TMC1: variants seen among roughly 807,000 people sequenced by gnomAD.
The protein encoded by TMC1 is transmembrane channel-like protein 1.
TMC1 carries 84 observed loss-of-function variants against 105.8 expected under a neutral mutation model. That is an observed-to-expected ratio of 0.79 (90% CI 0.67 to 0.95). The LOEUF (loss-of-function observed/expected upper bound fraction) is 0.95. Ranked by LOEUF, TMC1 falls within the 40% of genes least tolerant of loss-of-function variation. The pLI, the probability that TMC1 is intolerant of heterozygous loss-of-function variation, is 0.00. For missense variants in TMC1, 817 were observed against 914.1 expected, an observed-to-expected ratio of 0.89 and a Z score of 1.37; for synonymous variants, 315 against 311.5, an observed-to-expected ratio of 1.01 and a Z score of -0.12.
intron 8 of TMC1, among the ~76,000 whole-genome samples, chr9:72,733,453 G>T (rs931295129): frequency 1.3e-5 from 2 of 152,064 alleles, no homozygotes; most frequent in African/African-American, 4.8e-5. Flanking sequence ...AGGGGAAATG[G>T]GCTAGGGTTT....
chr9:72,783,694 A>G (rs1394349579), intron 13 of TMC1, among the ~76,000 whole-genome samples: 1 of 152,178 alleles, frequency 6.6e-6, no homozygotes, highest in Non-Finnish European at 1.5e-5. Flanking sequence ...TAACCACCAC[A>G]TAGACCAATG....
chr9:72,646,616 A>G (rs1564465642), intron 4 of TMC1, among the ~76,000 whole-genome samples: 1 of 150,814 alleles, frequency 6.6e-6, no homozygotes, highest in Non-Finnish European at 1.5e-5. Flanking sequence ...GGGCCATTTT[A>G]TTTTATTTTT....
At chr9:72,777,231 T>A (rs1321188759) in intron 13 of TMC1, among the ~76,000 whole-genome samples, 1 of 152,226 alleles carries the variant, frequency 6.6e-6, no homozygotes, top group Non-Finnish European at 1.5e-5. Context: ...TGCCTAAATA[T>A]CTTCCATGTC....
At chr9:72,671,779 G>GA (rs951919230) in intron 5 of TMC1, among the ~76,000 whole-genome samples, 10 of 151,418 alleles carry the variant, frequency 6.6e-5, no homozygotes, top group East Asian at 1.9e-4. Context: ...TTTTTAAAAA[G>GA]AAAAAAAATC....
intron 1 of TMC1, among the ~76,000 whole-genome samples, chr9:72,562,376 C>T (rs536504845): frequency 2.0e-5 from 3 of 152,276 alleles, no homozygotes; most frequent in South Asian, 4.1e-4. Context: ...GAAAACAGTG[C>T]TCTCATGTAA....
At chr9:72,614,826 C>T (rs1261462628) in intron 2 of TMC1, among the ~76,000 whole-genome samples, 2 of 151,998 alleles carry the variant, frequency 1.3e-5, no homozygotes, top group African/African-American at 4.8e-5. Flanking sequence ...GATTACAGTG[C>T]CTGCCACCAT....
In TMC1 at chr9:72,755,026, A is replaced by G. The variant is rs934709915; in HGVS notation, c.741+142A>G. 8.9e-5 allele frequency: 40 copies of G among 448,646 alleles called. 1 individual carries two copies. The highest frequency in any genetic ancestry group is 7.2e-4 in the South Asian group (39 of 54,310). The allele number at this position is 448,646 out of a possible 1,614,324, so 27.8% of individuals were successfully genotyped here. A position where few individuals can be genotyped will look rare whatever the true frequency, so the allele number is the denominator to read the frequency against. ...CCTGCTCCCTTTAAGAAAGAAAGGA[A>G]AGAAAGAAAGAAAGAGAGAGAGAGA... On this transcript the variant is annotated intron_variant, in intron 12 of 23. Transcript: ENST00000297784.
intron 2 of TMC1, among the ~76,000 whole-genome samples, chr9:72,609,155 T>C (rs1824978041): frequency 6.7e-6 from 1 of 150,288 alleles, no homozygotes; most frequent in Non-Finnish European, 1.5e-5. Flanking sequence ...CCCCTTCTAT[T>C]CTTCCTTCCC....
chr9:72,742,641 AAC>A, intron 10 of TMC1, 116 bp downstream of exon 10: 16 of 864,382 alleles, frequency 1.9e-5, no homozygotes, highest in East Asian at 5.2e-5. Context: ...CAAACAAACA[AAC>A]AAACAAAAAC....
chr9:72,718,491 C>A (rs139019428), intron 8 of TMC1, among the ~76,000 whole-genome samples: 330 of 152,278 alleles, frequency 2.2e-3, no homozygotes, highest in Admixed American at 5.7e-3. Flanking sequence ...TCTAGCCACC[C>A]AGTGGAGCTA....
intron 10 of TMC1, among the ~76,000 whole-genome samples, chr9:72,743,163 C>T (rs1449878065): frequency 6.6e-6 from 1 of 151,514 alleles, no homozygotes; most frequent in Non-Finnish European, 1.5e-5. Context: ...GTCAGGAGAT[C>T]GAGACCATCC....
chr9:72,651,283 T>C (rs929148134), intron 5 of TMC1: 1 of 151,902 alleles, frequency 6.6e-6, no homozygotes, highest in African/African-American at 2.4e-5. Flanking sequence ...CAAGGCAAAT[T>C]TATCTGCCTG....
chr9:72,596,021 C>T (rs773505693), intron 2 of TMC1, among the ~76,000 whole-genome samples: 8 of 151,812 alleles, frequency 5.3e-5, no homozygotes, highest in Non-Finnish European at 1.2e-4. Flanking sequence ...GGACTACAGG[C>T]GCATGCCACC....
intron 15 of TMC1, 142 bp downstream of exon 15, chr9:72,789,459 C>T: frequency 2.8e-6 from 2 of 723,434 alleles, no homozygotes; most frequent in Non-Finnish European, 4.7e-6. Flanking sequence ...CCCTGTTGCT[C>T]ATTTTCCATT....
At chr9:72,727,971 A>G (rs2589607) in intron 8 of TMC1, among the ~76,000 whole-genome samples, 88,957 of 151,956 alleles carry the variant, frequency 0.59, 28,096 homozygotes, top group African/African-American at 0.84. Flanking sequence ...TTCACACTAA[A>G]AAAGAATTCT....
At chr9:72,616,233 C>G (rs528315640) in intron 2 of TMC1, 135 bp from the exon 3 acceptor site, 1 of 152,166 alleles carries the variant, frequency 6.6e-6, no homozygotes, top group Non-Finnish European at 1.5e-5. Context: ...GTTGGGGAAG[C>G]TCAAACTGTG....
intron 2 of TMC1, among the ~76,000 whole-genome samples, chr9:72,585,907 G>C (rs1043721449): frequency 6.6e-6 from 1 of 152,162 alleles, no homozygotes; most frequent in Non-Finnish European, 1.5e-5. Flanking sequence ...ATTGATGTCA[G>C]ACTTCCTCCG....
chr9:72,629,006 T>C (rs1451540073), intron 4 of TMC1, among the ~76,000 whole-genome samples: 1 of 152,216 alleles, frequency 6.6e-6, no homozygotes. Context: ...GTCTTACTAA[T>C]TAGCAATAAC....
intron 4 of TMC1, among the ~76,000 whole-genome samples, chr9:72,637,848 A>C (rs1398808511): frequency 6.6e-6 from 1 of 152,254 alleles, no homozygotes; most frequent in Non-Finnish European, 1.5e-5. Flanking sequence ...GAACTGGAAA[A>C]GCACAAGAGA....
Sources: gnomAD v4.1 joint callset for allele counts (sites outside exome capture counted in the v4.1 genomes callset) on GRCh38, gnomAD v4.1.1 for gene constraint, MANE v1.5 for transcripts, NCBI Gene and HGNC (gene_info 2026-07-23, HGNC 2026-07-21) for gene names.